The following PROM1 variants were observed in gnomAD, a reference collection of about 807,000 sequenced individuals.
The protein encoded by PROM1 is prominin-1.
In PROM1, 105 loss-of-function variants were observed where a neutral mutation model predicts 116.9. That is an observed-to-expected ratio of 0.90 (90% CI 0.77 to 1.06). PROM1 has a LOEUF of 1.06. Ranked by LOEUF, PROM1 falls within the 50% of genes least tolerant of loss-of-function variation. PROM1 has a pLI of 0.00. For missense variants in PROM1, 1,122 were observed against 1,045.2 expected, an observed-to-expected ratio of 1.07 and a Z score of -1.01; for synonymous variants, 393 against 387.0, an observed-to-expected ratio of 1.02 and a Z score of -0.18.
intron 14 of PROM1, among the ~76,000 whole-genome samples, chr4:15,999,304 T>A (rs540904343): frequency 6.6e-6 from 1 of 152,028 alleles, no homozygotes; most frequent in Non-Finnish European, 1.5e-5. Context: ...ACCCCGTCTC[T>A]ACTAAAAATA....
In PROM1 at chr4:16,042,865, C is replaced by T. The variant is rs77549894; in HGVS notation, c.221-3864G>A. Among the ~76,000 whole-genome samples, 5 of 152,180 alleles carry T rather than the reference C, an allele frequency of 3.3e-5. No individual in the cohort carries two copies. The East Asian group carries it at 7.7e-4, about 23-fold the overall frequency. ...ACGGAGCTAACACCCAGTACCTCAACGGGAGCAACCCAGATACAGATATGA... is the reference window on the plus strand; with the variant it reads ...ACGGAGCTAACACCCAGTACCTCAATGGGAGCAACCCAGATACAGATATGA... On this transcript the variant is annotated intron_variant, in intron 2 of 27. Transcript: ENST00000447510.
intron 12 of PROM1, among the ~76,000 whole-genome samples, chr4:16,008,588 A>G (rs1354271761): frequency 6.6e-6 from 1 of 152,268 alleles, no homozygotes; most frequent in Admixed American, 6.5e-5. Flanking sequence ...TTTGATAATT[A>G]TAACTAGTAT....
chr4:16,019,100 T>C (rs1345767033), intron 8 of PROM1, among the ~76,000 whole-genome samples: 1 of 152,176 alleles, frequency 6.6e-6, no homozygotes, highest in Non-Finnish European at 1.5e-5. Context: ...CATCTTCAAG[T>C]ACTGAAACAC....
Position 16,032,563 on chromosome 4 carries a change from A to C in PROM1, c.509+741T>G, listed in dbSNP as rs148356134. 1.4e-3 allele frequency among the ~76,000 whole-genome samples: 209 copies of C among 152,344 alleles called. 2 individuals carry two copies. Among genetic ancestry groups the C allele is most frequent in the African/African-American group, 4.6e-3 (193 of 41,570 alleles). ...ATTGATTTCTGCTGCTGCATGAAACAGTGGCGGAATGAATGAGGAAATGTG... is the reference window on the plus strand; with the variant it reads ...ATTGATTTCTGCTGCTGCATGAAACCGTGGCGGAATGAATGAGGAAATGTG... On this transcript the variant is annotated intron_variant, in intron 5 of 27. Transcript: ENST00000447510.
At chr4:15,996,905 G>A (rs1299674544) in intron 15 of PROM1, among the ~76,000 whole-genome samples, 2 of 152,122 alleles carry the variant, frequency 1.3e-5, no homozygotes, top group Non-Finnish European at 2.9e-5. Flanking sequence ...TGCTCTCAAT[G>A]TGAGTCACTA....
At chr4:15,993,889 C>T (rs1420205218) in intron 16 of PROM1, 98 bp downstream of exon 16, 2 of 1,537,836 alleles carry the variant, frequency 1.3e-6, no homozygotes, top group Middle Eastern at 1.9e-4. Flanking sequence ...TTAATTTTAT[C>T]TTTTGCAAAT....
intron 4 of PROM1, among the ~76,000 whole-genome samples, chr4:16,034,899 C>A (rs1285075376): frequency 6.6e-6 from 1 of 152,160 alleles, no homozygotes; most frequent in Non-Finnish European, 1.5e-5. Context: ...TTGTGAGGGA[C>A]AAATAACTAA....
intron 11 of PROM1, among the ~76,000 whole-genome samples, chr4:16,010,567 G>A (rs1395190348): frequency 2.6e-5 from 4 of 152,182 alleles, no homozygotes; most frequent in South Asian, 2.1e-4. Flanking sequence ...GCAGTGGCAC[G>A]ATCATGGCTC....
intron 8 of PROM1, among the ~76,000 whole-genome samples, chr4:16,023,106 C>CA (rs1560509181): frequency 0.012 from 24 of 2,022 alleles, no homozygotes; most frequent in Admixed American, 0.064. Flanking sequence ...TAACAAATTC[C>CA]GCCCTATCAT....
intron 2 of PROM1, among the ~76,000 whole-genome samples, chr4:16,042,231 G>A (rs921337572): frequency 5.3e-5 from 8 of 152,170 alleles, no homozygotes; most frequent in Non-Finnish European, 8.8e-5. Flanking sequence ...TGCAAAGTGC[G>A]TATCCACCAC....
chr4:16,007,676 G>C (rs1459371107), intron 12 of PROM1, among the ~76,000 whole-genome samples: 2 of 152,170 alleles, frequency 1.3e-5, no homozygotes, highest in African/African-American at 4.8e-5. Context: ...TAAGTTCATA[G>C]TGTCAGGGCA....
intron 8 of PROM1, among the ~76,000 whole-genome samples, chr4:16,020,513 CCAGAAATACA>C (rs1392405013): frequency 6.6e-6 from 1 of 152,062 alleles, no homozygotes; most frequent in African/African-American, 2.4e-5. Context: ...CAGAAATACA[CCAGAAATACA>C]CAGAAATACT....
intron 10 of PROM1, among the ~76,000 whole-genome samples, chr4:16,013,543 G>A (rs1169992519): frequency 6.6e-6 from 1 of 152,116 alleles, no homozygotes; most frequent in Non-Finnish European, 1.5e-5. Flanking sequence ...ATCAATCAAA[G>A]GTCGTGTTAG....
chr4:16,031,332 T>C (rs1292294868), intron 5 of PROM1, among the ~76,000 whole-genome samples: 1 of 151,970 alleles, frequency 6.6e-6, no homozygotes, highest in Admixed American at 6.5e-5. Flanking sequence ...ATGTGGCGTG[T>C]AAGTTTCAGG....
At chr4:16,025,740 C>CACACACACGCACACACACACACACACAT (rs1560517064) in intron 5 of PROM1, among the ~76,000 whole-genome samples, 2 of 150,648 alleles carry the variant, frequency 1.3e-5, no homozygotes, top group African/African-American at 2.5e-5. Flanking sequence ...CACACACACA[C>CACACACACGCACACACACACACACACAT]TTCTGCTCCC....
intron 2 of PROM1, among the ~76,000 whole-genome samples, chr4:16,039,316 T>C (rs1220009887): frequency 6.6e-6 from 1 of 152,236 alleles, no homozygotes; most frequent in Non-Finnish European, 1.5e-5. Context: ...AATAATCATT[T>C]ATAAAAATTT....
chr4:16,053,953 GT>G (rs1464379216), intron 2 of PROM1, among the ~76,000 whole-genome samples: 3 of 152,210 alleles, frequency 2.0e-5, no homozygotes, highest in Non-Finnish European at 2.9e-5. Flanking sequence ...AGTTAGCCAG[GT>G]GTGGTGGTGA....
chr4:15,983,526 A>G (rs1718499370), intron 23 of PROM1, among the ~76,000 whole-genome samples: 1 of 152,188 alleles, frequency 6.6e-6, no homozygotes, highest in Non-Finnish European at 1.5e-5. Context: ...GGAGAGAGAA[A>G]GAGAAAGGCG....
Position 16,018,320 on chromosome 4 carries a change from C to T in PROM1, c.1002+3G>A. On this transcript the variant is annotated splice_donor_region_variant and intron_variant, in intron 9 of 27. Transcript: ENST00000447510. ...TGACCATGGCAAGCTCATGCCTGCTCACCTGCCTCAGTTCAGGGTTGCTAT... is the reference window on the plus strand; with the variant it reads ...TGACCATGGCAAGCTCATGCCTGCTTACCTGCCTCAGTTCAGGGTTGCTAT... The T allele has an allele frequency of 1.2e-6, 2 of 1,612,442 alleles. No individual in the cohort carries two copies. The highest frequency in any genetic ancestry group is 1.7e-6 in the Non-Finnish European group (2 of 1,179,614).
Sources: gnomAD v4.1 joint callset for allele counts (sites outside exome capture counted in the v4.1 genomes callset) on GRCh38, gnomAD v4.1.1 for gene constraint, MANE v1.5 for transcripts, NCBI Gene and HGNC (gene_info 2026-07-23, HGNC 2026-07-21) for gene names.